DTL: variants seen among roughly 807,000 people sequenced by gnomAD.
The protein encoded by DTL is denticleless protein homolog.
A neutral mutation model predicts 87.0 loss-of-function variants in DTL; 46 were observed. The observed-to-expected ratio is 0.53, with a 90% CI of 0.42 to 0.68. DTL has a LOEUF of 0.68. Among genes scored for constraint, DTL ranks in the 30% least tolerant of loss-of-function variants. The probability of loss-of-function intolerance (pLI) is 0.00; values close to 1 mark genes in which losing one functional copy is unlikely to be tolerated. For synonymous variants in DTL, 308 were observed against 311.2 expected, an observed-to-expected ratio of 0.99 and a Z score of 0.11; for missense variants, 737 against 869.4, an observed-to-expected ratio of 0.85 and a Z score of 1.91.
intron 12 of DTL, among the ~76,000 whole-genome samples, chr1:212,079,591 G>A (rs1654933544): frequency 6.6e-6 from 1 of 152,022 alleles, no homozygotes; most frequent in Non-Finnish European, 1.5e-5. Context: ...TGGTTACTTT[G>A]GGCAAATAAC....
chr1:212,060,434 A>T (rs1668308855), intron 5 of DTL, among the ~76,000 whole-genome samples: 1 of 152,096 alleles, frequency 6.6e-6, no homozygotes, highest in South Asian at 2.1e-4. Flanking sequence ...CTATCTCACT[A>T]TATTAAAGAA....
chr1:212,052,036 C>T (rs897113344), intron 5 of DTL: 31 of 953,178 alleles, frequency 3.3e-5, no homozygotes, highest in African/African-American at 1.6e-4. Flanking sequence ...ATGGCGGTTC[C>T]GGCCGAAAAG....
At chr1:212,068,733 C>T in intron 10 of DTL, 30 bp downstream of exon 10, 5 of 1,430,712 alleles carry the variant, frequency 3.5e-6, no homozygotes, top group South Asian at 1.2e-5. Flanking sequence ...AATTCTCTTA[C>T]CAGGAAAGCA....
intron 5 of DTL, among the ~76,000 whole-genome samples, chr1:212,061,304 T>C (rs1654295618): frequency 6.6e-6 from 1 of 150,736 alleles, no homozygotes; most frequent in Non-Finnish European, 1.5e-5. Context: ...AAAGAAGACA[T>C]ACAAATGGCC....
In DTL at chr1:212,080,654, C is replaced by T. The variant is rs1654963254; in HGVS notation, c.1165C>T (p.Arg389Cys). 3.1e-6 allele frequency: 5 copies of T among 1,613,470 alleles called. No individual in the cohort carries two copies. Among genetic ancestry groups the T allele is most frequent in the Non-Finnish European group, 4.2e-6 (5 of 1,179,580 alleles). Residue 389 changes from arginine to cysteine, a missense_variant, in exon 13 of 15, where the codon CGC (arginine) becomes TGC (cysteine). Physicochemically the swap from Arg to Cys is radical, Grantham distance 180 (BLOSUM62 -3). Transcript: ENST00000366991. ...TGATGACAATACACTAAAAATCTGGCGCTTGAATAGAGGCTTAGAGGAGAA... is the reference window on the plus strand; with the variant it reads ...TGATGACAATACACTAAAAATCTGGTGCTTGAATAGAGGCTTAGAGGAGAA... ...CSDDNTLKIW[R>C]LNRGLEEKPG... is the part of the protein sequence containing the mutation.
At position 212,100,737 on chromosome 1, in the gene DTL, A is replaced by G. The variant is rs781251599; in HGVS notation, c.1747A>G (p.Asn583Asp). Reference sequence around the variant, plus strand: ...GACTGAGCTTGATGGCCAAGTTGAAAATCTTCATTTGGATCTGTGCTGCCT... The same window carrying G: ...GACTGAGCTTGATGGCCAAGTTGAAGATCTTCATTTGGATCTGTGCTGCCT... ...CVTELDGQVENLHLDLCCLAG... is the reference protein window; with the variant it reads ...CVTELDGQVEDLHLDLCCLAG... Residue 583 changes from asparagine to aspartate, a missense_variant, in exon 14 of 15, where the codon AAT becomes GAT. Transcript: ENST00000366991. 18 of 1,613,976 alleles carry G rather than the reference A, an allele frequency of 1.1e-5. No homozygotes were observed. Among genetic ancestry groups the G allele is most frequent in the Admixed American group, 3.3e-5 (2 of 59,992 alleles).
intron 10 of DTL, among the ~76,000 whole-genome samples, chr1:212,071,777 T>C (rs1339033135): frequency 1.3e-5 from 2 of 152,206 alleles, no homozygotes; most frequent in African/African-American, 4.8e-5. Flanking sequence ...GAGGGTCTTA[T>C]AAAGGCATTT....
At chr1:212,064,225 G>C (rs1296278250) in intron 6 of DTL, among the ~76,000 whole-genome samples, 1 of 152,106 alleles carries the variant, frequency 6.6e-6, no homozygotes, top group Non-Finnish European at 1.5e-5. Flanking sequence ...TTGTAGAGCA[G>C]TTTTAGGTTC....
chr1:212,067,450 T>C (rs73089282), intron 8 of DTL, among the ~76,000 whole-genome samples: 4 of 152,130 alleles, frequency 2.6e-5, no homozygotes, highest in African/African-American at 9.7e-5. Flanking sequence ...AGAATATTAA[T>C]TCTATGCAAA....
At chr1:212,044,217 C>T (rs891356078) in intron 2 of DTL, among the ~76,000 whole-genome samples, 1 of 152,184 alleles carries the variant, frequency 6.6e-6, no homozygotes, top group African/African-American at 2.4e-5. Context: ...TGCCATTGGC[C>T]AGTACCACTC....
At chr1:212,061,064 A>G (rs1402545987) in intron 5 of DTL, among the ~76,000 whole-genome samples, 3 of 152,196 alleles carry the variant, frequency 2.0e-5, no homozygotes, top group Non-Finnish European at 4.4e-5. Context: ...AAAGTAGGCA[A>G]ACACAGACTG....
At chr1:212,077,708 G>A (rs1291921000) in intron 11 of DTL, 1 of 153,708 alleles carries the variant, frequency 6.5e-6, no homozygotes, top group Admixed American at 6.5e-5. Context: ...AAATCTTCAG[G>A]TTTCACAGTT....
At chr1:212,049,104 G>A (rs767944954) in intron 5 of DTL, among the ~76,000 whole-genome samples, 16 of 152,146 alleles carry the variant, frequency 1.1e-4, no homozygotes, top group Non-Finnish European at 2.1e-4. Context: ...TGTATTTTTA[G>A]TAGAGACAGG....
intron 12 of DTL, among the ~76,000 whole-genome samples, chr1:212,079,420 A>G (rs911922279): frequency 6.6e-6 from 1 of 152,134 alleles, no homozygotes; most frequent in African/African-American, 2.4e-5. Context: ...CTGTTTACCT[A>G]TACTAATTTA....
At chr1:212,064,377 C>T (rs539490110) in intron 6 of DTL, among the ~76,000 whole-genome samples, 46 of 152,304 alleles carry the variant, frequency 3.0e-4, no homozygotes, top group East Asian at 1.9e-3. Context: ...CATGCTGTCA[C>T]TCAGAGTTTA....
chr1:212,040,572 T>C (rs1247268182), intron 1 of DTL, among the ~76,000 whole-genome samples: 2 of 152,240 alleles, frequency 1.3e-5, no homozygotes, highest in African/African-American at 4.8e-5. Context: ...CTCATGATGA[T>C]GTGAGATGAT....
chr1:212,063,150 A>T (rs1259497412), intron 6 of DTL, among the ~76,000 whole-genome samples: 1 of 152,162 alleles, frequency 6.6e-6, no homozygotes, highest in Non-Finnish European at 1.5e-5. Flanking sequence ...TACAAGTATT[A>T]CACTCATGTA....
chr1:212,059,681 G>T (rs1198649604), intron 5 of DTL, among the ~76,000 whole-genome samples: 1 of 148,854 alleles, frequency 6.7e-6, no homozygotes, highest in African/African-American at 2.5e-5. Context: ...GAGCAATCAG[G>T]CCAGAGAAAG....
At chr1:212,083,815 C>T (rs1297115701) in intron 13 of DTL, among the ~76,000 whole-genome samples, 1 of 152,194 alleles carries the variant, frequency 6.6e-6, no homozygotes, top group Non-Finnish European at 1.5e-5. Context: ...CTTGTACTTA[C>T]ATGGTAAACA....
Sources: allele counts gnomAD v4.1 joint callset (sites outside exome capture counted in the v4.1 genomes callset), GRCh38; gene constraint gnomAD v4.1.1; transcripts MANE v1.5; gene names NCBI Gene and HGNC (gene_info 2026-07-23, HGNC 2026-07-21).